MUSK: variants seen among roughly 807,000 people sequenced by gnomAD.
The protein encoded by MUSK is muscle, skeletal receptor tyrosine-protein kinase.
In MUSK, 55 loss-of-function variants were observed where a neutral mutation model predicts 88.7. The ratio of observed to expected loss-of-function variants is 0.62; its 90% CI spans 0.50 to 0.78. The LOEUF is 0.78. Ranked by LOEUF, MUSK falls within the 30% of genes least tolerant of loss-of-function variation. The probability of loss-of-function intolerance (pLI) is 0.00; values close to 1 mark genes in which losing one functional copy is unlikely to be tolerated. For synonymous variants in MUSK, 387 were observed against 391.9 expected, an observed-to-expected ratio of 0.99 and a Z score of 0.15; for missense variants, 1,015 against 1,074.3, an observed-to-expected ratio of 0.94 and a Z score of 0.77.
At chr9:110,755,983 T>TATATATAC (rs1564269144) in intron 7 of MUSK, among the ~76,000 whole-genome samples, 48 of 127,040 alleles carry the variant, frequency 3.8e-4, no homozygotes, top group East Asian at 9.5e-4. Context: ...TATATACATA[T>TATATATAC]ATATATATAT....
chr9:110,687,783 AG>A (rs2076217561), intron 3 of MUSK, among the ~76,000 whole-genome samples: 1 of 152,058 alleles, frequency 6.6e-6, no homozygotes, highest in Non-Finnish European at 1.5e-5. Context: ...CCCTAAGGCA[AG>A]CCTCTCAATT....
At chr9:110,694,698 T>G (rs565919689) in intron 3 of MUSK, among the ~76,000 whole-genome samples, 1 of 152,312 alleles carries the variant, frequency 6.6e-6, no homozygotes, top group South Asian at 2.1e-4. Flanking sequence ...CTAAAATAAC[T>G]GGCATCCTGA....
rs2077510467 is a variant in MUSK at position 110,767,964 on chromosome 9, C to G, written c.1065C>G (p.Ala355=). 1.9e-6 allele frequency: 3 copies of G among 1,613,812 alleles called. No individual in the cohort carries two copies. The highest frequency in any genetic ancestry group is 3.3e-5 in the Admixed American group (2 of 59,984). The part of the protein sequence containing the change: ...EEAQELLVHT[A]WNELKVVSPV... ...CCCAAGAGCTACTGGTCCACACGGC[C>G]TGGAATGAACTGAAAGTAGTGAGCC... The change falls in exon 9 of 15, where the codon GCC becomes GCG. Residue 355 remains alanine, a synonymous_variant. Coordinates refer to ENST00000374448, the MANE Select transcript of MUSK (RefSeq NM_005592.4).
chr9:110,736,736 T>C (rs1422490158), intron 6 of MUSK, among the ~76,000 whole-genome samples: 1 of 152,114 alleles, frequency 6.6e-6, no homozygotes, highest in African/African-American at 2.4e-5. Flanking sequence ...TGTATAAAAA[T>C]ATCAGGAACT....
chr9:110,730,429 C>T (rs2076948655), intron 5 of MUSK, among the ~76,000 whole-genome samples: 1 of 151,940 alleles, frequency 6.6e-6, no homozygotes, highest in Non-Finnish European at 1.5e-5. Flanking sequence ...GTTTATGTAA[C>T]AAAAACACTT....
intron 7 of MUSK, among the ~76,000 whole-genome samples, chr9:110,760,996 T>C (rs1259627117): frequency 2.0e-5 from 3 of 152,224 alleles, no homozygotes; most frequent in Non-Finnish European, 4.4e-5. Flanking sequence ...GAAATTTTAA[T>C]ATGGCAAATT....
Position 110,716,725 on chromosome 9 carries a change from A to T in MUSK, c.629-17526A>T, listed in dbSNP as rs2076748578. The stretch of plus-strand genomic sequence containing the variant: ...AATAGGCTTTAATTTGGAGAATTTT[A>T]GTTTTGCCTTAGCAGCTTTTCTTAT... On this transcript the variant is annotated intron_variant, in intron 5 of 14. Transcript: ENST00000374448. Among the ~76,000 whole-genome samples the T allele has an allele frequency of 1.3e-5, 2 of 149,978 alleles. 1 individual carries two copies. The highest frequency in any genetic ancestry group is 5.0e-5 in the African/African-American group (2 of 39,624).
chr9:110,686,872 G>A (rs560732808), intron 2 of MUSK, among the ~76,000 whole-genome samples: 1 of 152,166 alleles, frequency 6.6e-6, no homozygotes, highest in South Asian at 2.1e-4. Context: ...TTATCAGTGG[G>A]CATCACCCTT....
intron 7 of MUSK, among the ~76,000 whole-genome samples, chr9:110,753,783 T>C (rs2077278095): frequency 6.6e-6 from 1 of 151,822 alleles, no homozygotes; most frequent in Non-Finnish European, 1.5e-5. Context: ...AATACTGGAG[T>C]CTCCCAAACT....
intron 5 of MUSK, among the ~76,000 whole-genome samples, chr9:110,719,643 A>G (rs920784949): frequency 1.3e-5 from 2 of 152,086 alleles, no homozygotes; most frequent in African/African-American, 2.4e-5. Flanking sequence ...ACTAACAGTG[A>G]GGGACTTTAA....
At chr9:110,761,347 G>A (rs1018467610) in intron 7 of MUSK, among the ~76,000 whole-genome samples, 9 of 152,048 alleles carry the variant, frequency 5.9e-5, no homozygotes, top group African/African-American at 2.2e-4. Flanking sequence ...GGTAGGGAGA[G>A]CAGAACATTA....
chr9:110,767,913 C>A lies in MUSK; in HGVS notation c.1014C>A (p.Asn338Lys), dbSNP rs373175897. Residue 338 changes from asparagine to lysine, a missense_variant, in exon 9 of 15, where the codon AAC becomes AAA. Transcript: ENST00000374448. ...VLAKDALVFL[N>K]TSYADPEEAQ... ...CAAAAGATGCTCTTGTTTTTCTCAA[C>A]ACCTCCTATGCGGACCCTGAGGAGG... The A allele has an allele frequency of 1.4e-5, 23 of 1,613,846 alleles. No homozygotes were observed. Among genetic ancestry groups the A allele is most frequent in the Middle Eastern group, 1.6e-4 (1 of 6,084 alleles).
At chr9:110,718,781 A>T (rs62574061) in intron 5 of MUSK, among the ~76,000 whole-genome samples, 53,915 of 151,928 alleles carry the variant, frequency 0.35, 10,447 homozygotes, top group Non-Finnish European at 0.44. Context: ...ACACATAGTT[A>T]TCAGGTTATC....
chr9:110,766,053 G>C (rs1320275851), intron 8 of MUSK, among the ~76,000 whole-genome samples: 2 of 152,104 alleles, frequency 1.3e-5, no homozygotes, highest in East Asian at 3.9e-4. Flanking sequence ...GCAAGAGGTA[G>C]GATCCCTCTG....
chr9:110,714,333 A>G (rs2076717549), intron 5 of MUSK, among the ~76,000 whole-genome samples: 1 of 152,180 alleles, frequency 6.6e-6, no homozygotes, highest in African/African-American at 2.4e-5. Context: ...ACAAGTGAGA[A>G]AAACGTTACC....
chr9:110,725,408 C>T (rs887110699), intron 5 of MUSK, among the ~76,000 whole-genome samples: 3 of 151,984 alleles, frequency 2.0e-5, no homozygotes, highest in African/African-American at 7.2e-5. Context: ...ATTCTCTCTC[C>T]TTTACAACAC....
At chr9:110,718,471 A>G (rs1302951339) in intron 5 of MUSK, among the ~76,000 whole-genome samples, 5 of 152,020 alleles carry the variant, frequency 3.3e-5, no homozygotes, top group Non-Finnish European at 5.9e-5. Context: ...TCACACAAGC[A>G]GAAGAAAGAA....
Position 110,747,652 on chromosome 9 carries a change from G to C in MUSK, c.765G>C (p.Gly255=). Residue 255 remains glycine (G), a synonymous_variant, in exon 7 of 15, where the codon GGG becomes GGC. Coordinates refer to ENST00000374448, the MANE Select transcript of MUSK (RefSeq NM_005592.4). ...CTTTACTCTGTCAGGTTTCTTCTGG[G>C]TCCATTCAAGAGAGTGTGAAAGACC... The part of the protein sequence containing the change: ...WIENGNAVSS[G]SIQESVKDRV... The C allele has an allele frequency of 6.2e-7, 1 of 1,611,564 alleles. No homozygotes were observed. The highest frequency in any genetic ancestry group is 8.5e-7 in the Non-Finnish European group (1 of 1,178,088).
At chr9:110,704,740 C>T (rs892265868) in intron 5 of MUSK, among the ~76,000 whole-genome samples, 7 of 151,794 alleles carry the variant, frequency 4.6e-5, no homozygotes, top group Non-Finnish European at 8.8e-5. Flanking sequence ...AATCCCAGCA[C>T]TTTGGGAGGC....
Sources: gnomAD v4.1 joint callset for allele counts (sites outside exome capture counted in the v4.1 genomes callset) on GRCh38, gnomAD v4.1.1 for gene constraint, MANE v1.5 for transcripts, NCBI Gene and HGNC (gene_info 2026-07-23, HGNC 2026-07-21) for gene names.